PTER: variants seen among roughly 807,000 people sequenced by gnomAD.
PTER encodes N-acetyltaurine hydrolase.
In PTER, 38 loss-of-function variants were observed where a neutral mutation model predicts 29.6. The observed-to-expected ratio is 1.28, with a 90% CI of 0.99 to 1.68. The LOEUF (loss-of-function observed/expected upper bound fraction) is 1.68, where lower values mean the gene tolerates loss of function less well. Among genes scored for constraint, PTER ranks in the 40% most tolerant of loss-of-function variants. The pLI is 0.00. For synonymous variants in PTER, 172 were observed against 154.5 expected, an observed-to-expected ratio of 1.11 and a Z score of -0.84; for missense variants, 482 against 427.8, an observed-to-expected ratio of 1.13 and a Z score of -1.12.
intron 1 of PTER, among the ~76,000 whole-genome samples, chr10:16,470,605 T>C (rs577241313): frequency 1.5e-4 from 23 of 152,182 alleles, no homozygotes; most frequent in African/African-American, 4.8e-4. Flanking sequence ...CCATGTCTAC[T>C]AAAAATACAA....
chr10:16,467,507 A>G (rs2133407194), intron 1 of PTER, among the ~76,000 whole-genome samples: 1 of 152,302 alleles, frequency 6.6e-6, no homozygotes, highest in East Asian at 1.9e-4. Context: ...GTACAGAATA[A>G]TAATCTAAAA....
At chr10:16,464,445 C>T (rs1244954422) in intron 1 of PTER, among the ~76,000 whole-genome samples, 1 of 152,150 alleles carries the variant, frequency 6.6e-6, no homozygotes, top group Non-Finnish European at 1.5e-5. Flanking sequence ...TAAGTTGGAG[C>T]AGGGGGGAAA....
intron 1 of PTER, among the ~76,000 whole-genome samples, chr10:16,462,850 C>A (rs1168105887): frequency 6.6e-6 from 1 of 151,028 alleles, no homozygotes; most frequent in African/African-American, 2.4e-5. Context: ...GGATTACAGG[C>A]ATGAGCCACC....
intron 1 of PTER, among the ~76,000 whole-genome samples, chr10:16,482,493 G>T (rs554411963): frequency 6.6e-6 from 1 of 152,254 alleles, no homozygotes; most frequent in South Asian, 2.1e-4. Context: ...TTTACCTGTG[G>T]TATCTAATTT....
chr10:16,505,229 G>T, intron 4 of PTER, 69 bp downstream of exon 4: 1 of 1,550,284 alleles, frequency 6.5e-7, no homozygotes, highest in Non-Finnish European at 8.8e-7. Flanking sequence ...ATCTAGGGAA[G>T]TATTAGCAAA....
rs1836872777 is a variant in PTER at position 16,513,070 on chromosome 10, G to A, written c.*1814G>A. ...AAACACTGCAAAGGAGAGCCACTTG[G>A]TGTCTGCAGTCCTCATATTAACAGT... On this transcript the variant is annotated 3_prime_UTR_variant, in exon 5 of 5. Transcript: ENST00000535784. The A allele has an allele frequency of 1.3e-5, 2 of 152,250 alleles. No homozygotes were observed. The highest frequency in any genetic ancestry group is 1.3e-4 in the Admixed American group (2 of 15,256). The allele number at this position is 152,250 out of a possible 1,614,324, so 9.4% of individuals were successfully genotyped here. A position where few individuals can be genotyped will look rare whatever the true frequency, so the allele number is the denominator to read the frequency against.
At chr10:16,460,123 C>G (rs1019208261) in intron 1 of PTER, among the ~76,000 whole-genome samples, 1 of 152,110 alleles carries the variant, frequency 6.6e-6, no homozygotes, top group South Asian at 2.1e-4. Flanking sequence ...TCTTATTTTT[C>G]TAATTAGGAA....
chr10:16,474,619 G>A (rs1281886412), intron 1 of PTER, among the ~76,000 whole-genome samples: 1 of 152,094 alleles, frequency 6.6e-6, no homozygotes, highest in African/African-American at 2.4e-5. Flanking sequence ...CAGGCTTCGT[G>A]GGTGACAACT....
At position 16,471,402 on chromosome 10, in the gene PTER, C is replaced by CTT. The variant is rs369300491; in HGVS notation, c.-48-12932_-48-12931dup. Among the ~76,000 whole-genome samples, 300 of 152,162 alleles carry CTT rather than the reference C, an allele frequency of 2.0e-3. 1 individual carries two copies. Among genetic ancestry groups the CTT allele is most frequent in the African/African-American group, 7.0e-3 (289 of 41,498 alleles). On this transcript the variant is annotated intron_variant, in intron 1 of 4. Transcript: ENST00000535784. Reference sequence around the variant, plus strand: ...CATTGATCTTTTCCCATTTTACTCCCTTTTACTGATTATAAATGTTATAAA... The same window carrying CTT: ...CATTGATCTTTTCCCATTTTACTCCCTTTTTTACTGATTATAAATGTTATAAA...
chr10:16,481,845 C>T (rs781738130), intron 1 of PTER, among the ~76,000 whole-genome samples: 1 of 152,082 alleles, frequency 6.6e-6, no homozygotes, highest in Non-Finnish European at 1.5e-5. Flanking sequence ...AGGAAAGAAA[C>T]GGCAAATTAA....
chr10:16,503,851 C>A (rs1010125050), intron 3 of PTER, among the ~76,000 whole-genome samples: 2 of 152,158 alleles, frequency 1.3e-5, no homozygotes, highest in African/African-American at 4.8e-5. Flanking sequence ...TGCTTTAATC[C>A]TCACATCGTG....
chr10:16,457,369 C>G (rs1588591214), intron 1 of PTER, among the ~76,000 whole-genome samples: 1 of 152,122 alleles, frequency 6.6e-6, no homozygotes, highest in Admixed American at 6.5e-5. Context: ...CCCGCCACCA[C>G]GCCCAGCTAA....
intron 1 of PTER, among the ~76,000 whole-genome samples, chr10:16,461,540 C>T (rs997691734): frequency 6.6e-6 from 1 of 152,106 alleles, no homozygotes; most frequent in Admixed American, 6.6e-5. Flanking sequence ...AGTAAATCAG[C>T]TTTCAGGAGT....
intron 1 of PTER, among the ~76,000 whole-genome samples, chr10:16,466,204 G>C (rs1315485632): frequency 6.6e-6 from 1 of 152,094 alleles, no homozygotes. Flanking sequence ...TGTCCAGGCA[G>C]GCAGCAGACC....
At chr10:16,491,965 T>G (rs1245586452) in intron 3 of PTER, among the ~76,000 whole-genome samples, 1 of 152,036 alleles carries the variant, frequency 6.6e-6, no homozygotes, top group African/African-American at 2.4e-5. Context: ...CATACACTCA[T>G]TGTGACAACA....
chr10:16,501,073 A>G (rs1262778396), intron 3 of PTER, among the ~76,000 whole-genome samples: 2 of 152,034 alleles, frequency 1.3e-5, no homozygotes, highest in African/African-American at 2.4e-5. Flanking sequence ...CTGGGACTGC[A>G]GCACGTGCCA....
intron 1 of PTER, among the ~76,000 whole-genome samples, chr10:16,452,833 A>T (rs1588587154): frequency 6.6e-6 from 1 of 151,368 alleles, no homozygotes. Flanking sequence ...GCTCACTGCA[A>T]CCTCCACCAC....
downstream of PTER, among the ~76,000 whole-genome samples, chr10:16,517,326 C>A (rs1836966611): frequency 6.6e-6 from 1 of 152,170 alleles, no homozygotes. Context: ...TAAGCGAATA[C>A]CAACCCACAA....
At chr10:16,496,829 TG>T (rs1175150281) in intron 3 of PTER, among the ~76,000 whole-genome samples, 1 of 152,168 alleles carries the variant, frequency 6.6e-6, no homozygotes, top group Non-Finnish European at 1.5e-5. Flanking sequence ...GATGGATAGA[TG>T]GATGGATGAT....
Sources: allele counts gnomAD v4.1 joint callset (sites outside exome capture counted in the v4.1 genomes callset), GRCh38; gene constraint gnomAD v4.1.1; transcripts MANE v1.5; gene names NCBI Gene and HGNC (gene_info 2026-07-23, HGNC 2026-07-21).